GTF2IRD1: variants seen among roughly 807,000 people sequenced by gnomAD.
GTF2IRD1 encodes general transcription factor II-I repeat domain-containing protein 1.
Under a neutral mutation model 113.2 loss-of-function variants are expected in GTF2IRD1, and 26 were observed. The ratio of observed to expected loss-of-function variants is 0.23; its 90% CI spans 0.17 to 0.32. The LOEUF (loss-of-function observed/expected upper bound fraction) is 0.32, where lower values mean the gene tolerates loss of function less well. Among genes scored for constraint, GTF2IRD1 ranks in the 10% least tolerant of loss-of-function variants. GTF2IRD1 has a pLI of 1.00. For synonymous variants in GTF2IRD1, 484 were observed against 529.1 expected (o/e 0.91, Z 1.17); for missense variants, 864 against 1,280.8 (o/e 0.67, Z 4.97).
At chr7:74,568,271 G>A (rs1444361560) in intron 22 of GTF2IRD1, among the ~76,000 whole-genome samples, 35 of 144,070 alleles carry the variant, frequency 2.4e-4, no homozygotes, top group Admixed American at 2.2e-3. Context: ...TTGGGAGGCC[G>A]AGGCAGTAGG....
chr7:74,515,809 C>G (rs1796899500), intron 4 of GTF2IRD1, among the ~76,000 whole-genome samples: 1 of 152,194 alleles, frequency 6.6e-6, no homozygotes, highest in Non-Finnish European at 1.5e-5. Flanking sequence ...TCCACCCCTA[C>G]TGTCCCTGCC....
chr7:74,544,851 T>C, intron 15 of GTF2IRD1, 49 bp downstream of exon 15: 1 of 1,475,248 alleles, frequency 6.8e-7, no homozygotes, highest in Non-Finnish European at 9.4e-7. Flanking sequence ...CCACCCCATC[T>C]CTCTTCCCCT....
rs587617168 is a variant in GTF2IRD1, at chr7:74,529,663, C to T, written c.1091-71C>T. 1.3e-4 allele frequency: 173 copies of T among 1,368,512 alleles called. No individual in the cohort carries two copies. The Middle Eastern group carries it at 2.6e-3, about 21-fold the overall frequency. 84.8% of individuals were successfully genotyped at this position (1,368,512 alleles called of 1,614,324 possible). On this transcript the variant is annotated intron_variant, in intron 8 of 26. Coordinates refer to ENST00000424337, the MANE Select transcript of GTF2IRD1 (RefSeq NM_005685.4). ...GGGGACGGTGGGAGGTGATGGGGAC[C>T]GCAGCTCCCGGGTCCTGTGTGTCCA... is the stretch of plus-strand genomic sequence containing the variant.
chr7:74,573,384 A>G (rs2130881699), intron 22 of GTF2IRD1, among the ~76,000 whole-genome samples: 1 of 151,798 alleles, frequency 6.6e-6, no homozygotes, highest in Non-Finnish European at 1.5e-5. Context: ...CCTGGGCAAC[A>G]GAGCAAGACC....
chr7:74,528,920 T>TGGATGGATGGATGGATGGAC (rs782584833), intron 8 of GTF2IRD1, among the ~76,000 whole-genome samples: 2 of 102,148 alleles, frequency 2.0e-5, no homozygotes, highest in African/African-American at 3.5e-5. Flanking sequence ...GATGGATGGA[T>TGGATGGATGGATGGATGGAC]GGACGGACAA....
At position 74,518,035 on chromosome 7, in the gene GTF2IRD1, A is replaced by T. The variant is rs186090478; in HGVS notation, c.422-104A>T. On this transcript the variant is annotated intron_variant, in intron 4 of 26. Coordinates refer to ENST00000424337, the MANE Select transcript of GTF2IRD1 (RefSeq NM_005685.4). ...GAGGGGTCCATGGGAACCCCGCACC[A>T]AGGGGAGCCACTCAGCACTGCCCCC... The T allele has an allele frequency of 8.9e-4, 650 of 729,712 alleles. 9 individuals carry two copies. Among genetic ancestry groups the T allele is most frequent in the Middle Eastern group, 4.2e-4 (1 of 2,404 alleles). 45.2% of individuals were successfully genotyped at this position (729,712 alleles called of 1,614,324 possible).
chr7:74,524,157 G>A lies in GTF2IRD1; in HGVS notation c.1090+3G>A. The A allele has an allele frequency of 6.2e-7, 1 of 1,605,770 alleles. No homozygotes were observed. On this transcript the variant is annotated splice_donor_region_variant and intron_variant, in intron 8 of 26. Coordinates refer to ENST00000424337, the MANE Select transcript of GTF2IRD1 (RefSeq NM_005685.4). Reference sequence around the variant, plus strand: ...GATCCTGTTTAACAGCAGATATGGTGAGTGGGCGGCGCGGCCCGCCGTGTG... The same window carrying A: ...GATCCTGTTTAACAGCAGATATGGTAAGTGGGCGGCGCGGCCCGCCGTGTG...
At chr7:74,479,493 T>C (rs1794615572) in intron 1 of GTF2IRD1, among the ~76,000 whole-genome samples, 1 of 152,178 alleles carries the variant, frequency 6.6e-6, no homozygotes, top group Non-Finnish European at 1.5e-5. Context: ...CATTTATTTC[T>C]AGGGGAGGTG....
chr7:74,485,800 C>T (rs974085498), intron 1 of GTF2IRD1, among the ~76,000 whole-genome samples: 27 of 151,890 alleles, frequency 1.8e-4, no homozygotes, highest in African/African-American at 6.5e-4. Context: ...GTGGCGCAAT[C>T]ATGTAGTCCC....
intron 1 of GTF2IRD1, among the ~76,000 whole-genome samples, chr7:74,487,264 C>T (rs1045934252): frequency 2.0e-5 from 3 of 152,148 alleles, no homozygotes; most frequent in East Asian, 1.9e-4. Flanking sequence ...TCTTGAACTC[C>T]GGACCTCAGG....
chr7:74,511,605 C>G (rs554547398), intron 2 of GTF2IRD1, among the ~76,000 whole-genome samples: 1 of 152,194 alleles, frequency 6.6e-6, no homozygotes, highest in Non-Finnish European at 1.5e-5. Context: ...CTTCCTGGCC[C>G]CACGCCGCGT....
At chr7:74,523,846 C>A (rs1297528109) in intron 7 of GTF2IRD1, among the ~76,000 whole-genome samples, 1 of 152,174 alleles carries the variant, frequency 6.6e-6, no homozygotes, top group East Asian at 1.9e-4. Flanking sequence ...GACACCACAC[C>A]CGTGGGAGAG....
chr7:74,456,644 C>T (rs1303858941), intron 1 of GTF2IRD1, among the ~76,000 whole-genome samples: 4 of 151,872 alleles, frequency 2.6e-5, no homozygotes, highest in Non-Finnish European at 5.9e-5. Context: ...GACCGCACCA[C>T]TGTACTCCAG....
intron 1 of GTF2IRD1, among the ~76,000 whole-genome samples, chr7:74,478,949 A>G (rs956819112): frequency 2.0e-5 from 3 of 151,368 alleles, no homozygotes; most frequent in South Asian, 2.1e-4. Flanking sequence ...GGGTCTCACT[A>G]TGTTGCCCAG....
chr7:74,465,217 C>T (rs37632), intron 1 of GTF2IRD1, among the ~76,000 whole-genome samples: 43,499 of 152,108 alleles, frequency 0.29, 6,811 homozygotes, highest in Middle Eastern at 0.43. Flanking sequence ...GGGTGCAGCC[C>T]TCTGGGCAGG....
chr7:74,576,617 CTTTTTTTTTTTTTTTTTTT>C (rs1165378230), intron 22 of GTF2IRD1, among the ~76,000 whole-genome samples: 4 of 49,350 alleles, frequency 8.1e-5, no homozygotes, highest in African/African-American at 3.4e-4. Context: ...ATTTCCTTGT[CTTTTTTTTTTTTTTTTTTT>C]TTTTTTTTTT....
At chr7:74,460,532 C>A (rs1410241396) in intron 1 of GTF2IRD1, among the ~76,000 whole-genome samples, 2 of 152,108 alleles carry the variant, frequency 1.3e-5, no homozygotes, top group African/African-American at 4.8e-5. Flanking sequence ...CAGGCAGTAT[C>A]CTTCTAATGT....
chr7:74,571,529 ACGT>A (rs1554362689), intron 22 of GTF2IRD1, among the ~76,000 whole-genome samples: 1 of 152,120 alleles, frequency 6.6e-6, no homozygotes, highest in Non-Finnish European at 1.5e-5. Context: ...TCCTCTGTAA[ACGT>A]TCCACTTTCA....
Position 74,482,594 on chromosome 7 carries a change from A to G in GTF2IRD1, c.-6-25481A>G, listed in dbSNP as rs180729708. Among the ~76,000 whole-genome samples, 602 of 152,236 alleles carry G rather than the reference A, an allele frequency of 4.0e-3. 3 individuals are homozygous for G. The highest frequency in any genetic ancestry group is 6.0e-3 in the Non-Finnish European group (407 of 68,028). ...GAGAAACACCTTGATAACTGTTCAC[A>G]CACTAAACTACCCAGGTAACCAGCA... On this transcript the variant is annotated intron_variant, in intron 1 of 26. Coordinates refer to ENST00000424337, the MANE Select transcript of GTF2IRD1 (RefSeq NM_005685.4).
Sources: allele counts gnomAD v4.1 joint callset (sites outside exome capture counted in the v4.1 genomes callset), GRCh38; gene constraint gnomAD v4.1.1; transcripts MANE v1.5; gene names NCBI Gene and HGNC (gene_info 2026-07-23, HGNC 2026-07-21).